Variants in LRRC36 observed in about 807,000 individuals in gnomAD.
The protein encoded by LRRC36 is leucine-rich repeat-containing protein 36.
Under a neutral mutation model 81.1 loss-of-function variants are expected in LRRC36, and 62 were observed. That is an observed-to-expected ratio of 0.76 (90% CI 0.62 to 0.94). LRRC36 has a LOEUF of 0.94. Among genes scored for constraint, LRRC36 ranks in the 40% least tolerant of loss-of-function variants. The pLI is 0.00. For synonymous variants in LRRC36, 334 were observed against 348.6 expected (o/e 0.96, Z 0.47); for missense variants, 761 against 881.7 (o/e 0.86, Z 1.73).
intron 1 of LRRC36, among the ~76,000 whole-genome samples, chr16:67,337,790 C>T (rs2037835233): frequency 1.3e-5 from 2 of 151,796 alleles, no homozygotes. Context: ...TCTCAAGATC[C>T]CTTTACACCT....
rs758211590 is a variant in LRRC36 at position 67,326,831 on chromosome 16, C to T, written c.-32C>T. 1.2e-5 allele frequency: 17 copies of T among 1,407,698 alleles called. No homozygotes were observed. The highest frequency in any genetic ancestry group is 3.3e-5 in the South Asian group (2 of 61,220). 87.2% of individuals were successfully genotyped at this position (1,407,698 alleles called of 1,614,324 possible). On this transcript the variant is annotated 5_prime_UTR_variant, in exon 1 of 14. Transcript: ENST00000329956. ...GGGCCTGGCGTGCGCCGGGTGGTCTCGCGGGCGGTGGCAGGTGAGCGGCGG... is the reference window on the plus strand; with the variant it reads ...GGGCCTGGCGTGCGCCGGGTGGTCTTGCGGGCGGTGGCAGGTGAGCGGCGG...
chr16:67,354,388 A>G (rs1328891027), intron 5 of LRRC36, among the ~76,000 whole-genome samples: 1 of 151,758 alleles, frequency 6.6e-6, no homozygotes, highest in African/African-American at 2.4e-5. Flanking sequence ...AGTGATTCTC[A>G]TGTCTCACCT....
At chr16:67,334,388 G>A (rs1177854439) in intron 1 of LRRC36, among the ~76,000 whole-genome samples, 2 of 151,676 alleles carry the variant, frequency 1.3e-5, no homozygotes, top group East Asian at 1.9e-4. Flanking sequence ...GCAGTGGCAC[G>A]ATCTCGGCTC....
rs1178606874 is a variant in LRRC36 at position 67,341,075 on chromosome 16, ACTCTACATATT to A, written c.71-879_71-869del. 1.7e-3 allele frequency among the ~76,000 whole-genome samples: 187 copies of A among 112,594 alleles called. 25 individuals are homozygous for A. The highest frequency in any genetic ancestry group is 6.7e-3 in the African/African-American group (175 of 26,094). The allele number at this position is 112,594 out of a possible 152,430, so 73.9% of individuals were successfully genotyped here. The stretch of plus-strand genomic sequence containing the variant: ...ACTCTACATATTCTATAGAATATGT[ACTCTACATATT>A]CTATAGAATATGTACTCTACATATT... On this transcript the variant is annotated intron_variant, in intron 1 of 13. Coordinates refer to ENST00000329956, the MANE Select transcript of LRRC36 (RefSeq NM_018296.6).
intron 4 of LRRC36, among the ~76,000 whole-genome samples, chr16:67,349,765 CT>C (rs961463302): frequency 8.8e-4 from 128 of 146,134 alleles, no homozygotes; most frequent in Non-Finnish European, 9.3e-4. Flanking sequence ...ATTTGTGCAA[CT>C]TTTTTTTTTT....
intron 9 of LRRC36, among the ~76,000 whole-genome samples, chr16:67,372,998 T>C (rs1432794527): frequency 1.3e-5 from 2 of 152,172 alleles, no homozygotes; most frequent in African/African-American, 4.8e-5. Flanking sequence ...TTTAGCATAT[T>C]TGGGATGTTA....
chr16:67,373,751 G>T (rs1386336885), intron 9 of LRRC36, among the ~76,000 whole-genome samples: 3 of 133,288 alleles, frequency 2.3e-5, no homozygotes, highest in Non-Finnish European at 4.7e-5. Context: ...GGTGGCTCAT[G>T]CCTGTAATCC....
chr16:67,337,060 T>A lies in LRRC36; in HGVS notation c.71-4897T>A, dbSNP rs1015267887. 2.0e-5 allele frequency among the ~76,000 whole-genome samples: 3 copies of A among 151,924 alleles called. No individual in the cohort carries two copies. In the East Asian group the frequency reaches 5.8e-4, roughly 29 times the overall value. ...CTGGGATTACAGACTTGAGCCACCA[T>A]GCCAGGCCCATCATTCCTTTTTATG... On this transcript the variant is annotated intron_variant, in intron 1 of 13. Coordinates refer to ENST00000329956, the MANE Select transcript of LRRC36 (RefSeq NM_018296.6).
chr16:67,347,817 G>A (rs2038425225), intron 4 of LRRC36, among the ~76,000 whole-genome samples: 1 of 152,254 alleles, frequency 6.6e-6, no homozygotes, highest in African/African-American at 2.4e-5. Context: ...ATAATTGTTA[G>A]AAATTCTCTA....
intron 1 of LRRC36, among the ~76,000 whole-genome samples, chr16:67,333,774 G>C (rs892329163): frequency 1.3e-5 from 2 of 151,882 alleles, no homozygotes; most frequent in African/African-American, 2.4e-5. Flanking sequence ...TTTTAGAGCA[G>C]TTTTAGGTTT....
intron 12 of LRRC36, among the ~76,000 whole-genome samples, chr16:67,380,717 C>A (rs925450218): frequency 6.6e-6 from 1 of 152,190 alleles, no homozygotes; most frequent in African/African-American, 2.4e-5. Context: ...TAGATACTTA[C>A]TTTCATTCAG....
At chr16:67,350,158 T>C (rs2038552815) in intron 4 of LRRC36, 44 bp from the exon 5 acceptor site, 8 of 199,786 alleles carry the variant, frequency 4.0e-5, no homozygotes, top group South Asian at 2.7e-4. Context: ...CTCAGAAGCC[T>C]TTTTTTTTTT....
At chr16:67,344,088 A>G (rs917056978) in intron 2 of LRRC36, among the ~76,000 whole-genome samples, 1 of 151,936 alleles carries the variant, frequency 6.6e-6, no homozygotes, top group African/African-American at 2.4e-5. Flanking sequence ...AAGTGCTGGG[A>G]TTAGAGGCAT....
At chr16:67,341,051 C>T (rs1331793212) in intron 1 of LRRC36, among the ~76,000 whole-genome samples, 207 of 115,776 alleles carry the variant, frequency 1.8e-3, no homozygotes, top group Middle Eastern at 0.014. Context: ...AGAATATGTA[C>T]TCTACATATT....
chr16:67,331,696 A>C (rs940828030), intron 1 of LRRC36, among the ~76,000 whole-genome samples: 2 of 152,062 alleles, frequency 1.3e-5, no homozygotes, highest in African/African-American at 4.8e-5. Flanking sequence ...TCTTTTTAAA[A>C]AAGTTTTATG....
At chr16:67,363,505 T>G in intron 5 of LRRC36, 85 bp from the exon 6 acceptor site, 1 of 1,404,226 alleles carries the variant, frequency 7.1e-7, no homozygotes, top group South Asian at 1.3e-5. Flanking sequence ...CTTGTGACTT[T>G]CCTTTTAGTA....
At chr16:67,373,048 T>C (rs2039721494) in intron 9 of LRRC36, among the ~76,000 whole-genome samples, 1 of 152,152 alleles carries the variant, frequency 6.6e-6, no homozygotes, top group South Asian at 2.1e-4. Context: ...TTAACCTCTA[T>C]TTCATGTTAT....
chr16:67,369,220 G>A (rs1339708285), intron 8 of LRRC36, among the ~76,000 whole-genome samples: 1 of 152,174 alleles, frequency 6.6e-6, no homozygotes, highest in Non-Finnish European at 1.5e-5. Flanking sequence ...CTGAGGACTG[G>A]TCCTGAGCCC....
intron 5 of LRRC36, among the ~76,000 whole-genome samples, chr16:67,358,131 G>T (rs930263378): frequency 1.3e-4 from 19 of 144,998 alleles, no homozygotes; most frequent in African/African-American, 4.1e-4. Context: ...TGTATATGAC[G>T]TACTTAGTCA....
Sources: allele counts gnomAD v4.1 joint callset (sites outside exome capture counted in the v4.1 genomes callset), GRCh38; gene constraint gnomAD v4.1.1; transcripts MANE v1.5; gene names NCBI Gene and HGNC (gene_info 2026-07-23, HGNC 2026-07-21).